The following LOXL4 variants were observed in gnomAD, a reference collection of about 807,000 sequenced individuals.
The protein encoded by LOXL4 is lysyl oxidase homolog 4.
A neutral mutation model predicts 89.1 loss-of-function variants in LOXL4; 72 were observed. That is an observed-to-expected ratio of 0.81 (90% CI 0.67 to 0.98). LOXL4 has a LOEUF of 0.98. LOXL4 is among the 50% of genes least tolerant of loss of function. The pLI is 0.00. For missense variants in LOXL4, 984 were observed against 1,017.5 expected (o/e 0.97, Z 0.45); for synonymous variants, 355 against 392.1 (o/e 0.91, Z 1.12).
At chr10:98,264,073 A>T (rs1858620410) in intron 1 of LOXL4, among the ~76,000 whole-genome samples, 1 of 151,876 alleles carries the variant, frequency 6.6e-6, no homozygotes, top group African/African-American at 2.4e-5. Flanking sequence ...ACCACATATC[A>T]TCTGGATCCC....
At chr10:98,255,907 T>C (rs568743859) in intron 9 of LOXL4, 168 bp from the exon 10 acceptor site, 92 of 700,302 alleles carry the variant, frequency 1.3e-4, no homozygotes, top group Non-Finnish European at 1.9e-4. Flanking sequence ...CCATGACACA[T>C]TTGGACCCTT....
chr10:98,258,515 A>G (rs1384698714), intron 6 of LOXL4, among the ~76,000 whole-genome samples: 1 of 151,260 alleles, frequency 6.6e-6, no homozygotes, highest in Non-Finnish European at 1.5e-5. Flanking sequence ...AGGTATCTGT[A>G]CCACCTCACG....
chr10:98,260,027 A>G (rs949277076), intron 4 of LOXL4, among the ~76,000 whole-genome samples: 1 of 152,128 alleles, frequency 6.6e-6, no homozygotes, highest in African/African-American at 2.4e-5. Flanking sequence ...GTGGCAGATG[A>G]CTCAGACGTA....
At chr10:98,263,732 CTT>C (rs372675359) in intron 1 of LOXL4, among the ~76,000 whole-genome samples, 12 of 138,836 alleles carry the variant, frequency 8.6e-5, no homozygotes, top group Admixed American at 1.4e-4. Context: ...TTCTTTCTTT[CTT>C]TTTTTTTTTT....
At position 98,259,189 on chromosome 10, in the gene LOXL4, G is replaced by A. The variant is rs774905122; in HGVS notation, c.741C>T (p.His247=). 15 of 1,612,008 alleles carry A rather than the reference G, an allele frequency of 9.3e-6. No individual in the cohort carries two copies. In the African/African-American group the frequency reaches 2.0e-4, roughly 22 times the overall value. Residue 247 remains histidine, a synonymous_variant, in exon 6 of 15, where the codon CAC becomes CAT. Coordinates refer to ENST00000260702, the MANE Select transcript of LOXL4 (RefSeq NM_032211.7). ...SLTNKNSFWI[H]QVTCLGTEPH... ...GCTCTGTCCCCAGGCAGGTGACCTGGTGGATCCAGAAGGAGTTCTTATTCG... is the reference window on the plus strand; with the variant it reads ...GCTCTGTCCCCAGGCAGGTGACCTGATGGATCCAGAAGGAGTTCTTATTCG...
rs777857957 is a variant in LOXL4 at position 98,253,646 on chromosome 10, AGGC to A, written c.1739_1741del (p.Arg580del). ...GTAGATCTGTGTGGAGAAGCGCAAT[AGGC>A]GGCGGTATCCGTAGGGCCAGTCCAT... On this transcript the variant is annotated inframe_deletion, in exon 11 of 15. Transcript: ENST00000260702. 5.0e-6 allele frequency: 8 copies of A among 1,614,200 alleles called. No individual in the cohort carries two copies. The South Asian group carries it at 5.5e-5, about 11-fold the overall frequency.
chr10:98,251,471 T>C (rs1457417989), intron 13 of LOXL4, 95 bp downstream of exon 13: 10 of 1,538,066 alleles, frequency 6.5e-6, no homozygotes, highest in African/African-American at 5.5e-5. Context: ...TCGGAAACCC[T>C]GTATGGGAAA....
At chr10:98,263,211 C>G (rs879596312) in intron 1 of LOXL4, among the ~76,000 whole-genome samples, 160 bp from the exon 2 acceptor site, 5 of 152,038 alleles carry the variant, frequency 3.3e-5, no homozygotes, top group Non-Finnish European at 5.9e-5. Context: ...TTAATTGAGT[C>G]TGGGCCAGGT....
At chr10:98,256,997 G>T (rs767564699) in intron 8 of LOXL4, 50 bp from the exon 9 acceptor site, 21 of 1,579,246 alleles carry the variant, frequency 1.3e-5, no homozygotes, top group Non-Finnish European at 1.8e-5. Flanking sequence ...GCAGGGAAGA[G>T]CTCAGGGCTG....
intron 1 of LOXL4, among the ~76,000 whole-genome samples, chr10:98,265,415 A>T (rs200104470): frequency 4.9e-5 from 3 of 60,634 alleles, no homozygotes; most frequent in Non-Finnish European, 1.2e-4. Flanking sequence ...TATTATTATT[A>T]TTTTTGAGAC....
intron 12 of LOXL4, 81 bp downstream of exon 12, chr10:98,252,272 C>G (rs192993007): frequency 4.6e-6 from 5 of 1,085,628 alleles, no homozygotes; most frequent in Middle Eastern, 2.0e-4. Context: ...CTGAACAGGG[C>G]AGAGAGAAAG....
At position 98,255,723 on chromosome 10, in the gene LOXL4, G is replaced by A. The variant is rs536508740; in HGVS notation, c.1445C>T (p.Ser482Leu). 19 of 1,611,028 alleles carry A rather than the reference G, an allele frequency of 1.2e-5. No homozygotes were observed. The highest frequency in any genetic ancestry group is 1.7e-5 in the Admixed American group (1 of 59,922). ...IHAYKETWFW[S>L]GTPRAQEVVM... is the part of the protein sequence containing the mutation. ...CACCTCCTGGGCCCTTGGCGTCCCCGACCAGAACCAGGTTTCCTAAGAAGA... is the reference window on the plus strand; with the variant it reads ...CACCTCCTGGGCCCTTGGCGTCCCCAACCAGAACCAGGTTTCCTAAGAAGA... The change falls in exon 10 of 15, where the codon TCG becomes TTG. Residue 482 changes from serine to leucine, a missense_variant. By Grantham distance (145) the Ser-to-Leu change is moderately radical. Coordinates refer to ENST00000260702, the MANE Select transcript of LOXL4 (RefSeq NM_032211.7).
rs748834362 is a variant in LOXL4, at chr10:98,257,761, A to G, written c.1149T>C (p.Tyr383=). 21 of 1,614,032 alleles carry G rather than the reference A, an allele frequency of 1.3e-5. No homozygotes were observed. Among genetic ancestry groups the G allele is most frequent in the Admixed American group, 1.7e-5 (1 of 60,004 alleles). Residue 383 remains tyrosine, a synonymous_variant, in exon 8 of 15, where the codon TAT becomes TAC. Transcript: ENST00000260702. ...CAGGGCAGTCGCTGAGGGTCCGCTC[A>G]TATCCCCTGCAGCGCACCTCACTCA... is the stretch of plus-strand genomic sequence containing the variant. ...IHLSEVRCRG[Y]ERTLSDCPAL... is the part of the protein sequence containing the mutation.
intron 1 of LOXL4, among the ~76,000 whole-genome samples, chr10:98,265,774 G>T (rs539007784): frequency 6.6e-6 from 1 of 152,256 alleles, no homozygotes; most frequent in South Asian, 2.1e-4. Context: ...CCTCCTCTCT[G>T]TACAAAGAAG....
At chr10:98,264,917 C>T (rs1197882128) in intron 1 of LOXL4, among the ~76,000 whole-genome samples, 1 of 152,220 alleles carries the variant, frequency 6.6e-6, no homozygotes, top group African/African-American at 2.4e-5. Flanking sequence ...GAGGCTCTCA[C>T]AGGCCCCTGC....
Position 98,248,767 on chromosome 10 carries a change from G to T in LOXL4, c.*154C>A. 1.5e-6 allele frequency: 1 copy of T among 662,188 alleles called. No individual in the cohort carries two copies. Among genetic ancestry groups the T allele is most frequent in the Non-Finnish European group, 2.7e-6 (1 of 374,768 alleles). 41.0% of individuals were successfully genotyped at this position (662,188 alleles called of 1,614,324 possible). A position where few individuals can be genotyped will look rare whatever the true frequency, so the allele number is the denominator to read the frequency against. ...CTGAGGGAGCAATACCATCTGGATT[G>T]GTGATCTTGCCATCAAAAGGCTTCC... On this transcript the variant is annotated 3_prime_UTR_variant, in exon 15 of 15. Coordinates refer to ENST00000260702, the MANE Select transcript of LOXL4 (RefSeq NM_032211.7).
rs1218288574 is a variant in LOXL4 at position 98,256,769 on chromosome 10, G to GAGT, written c.1428+10_1428+11insACT. ...GAGAGGTCATACGGAAGAAACAACA[G>GAGT]AGGGACCTACCTTGTAGGCATGGAT... On this transcript the variant is annotated intron_variant, in intron 9 of 14. Transcript: ENST00000260702. The GAGT allele has an allele frequency of 6.2e-7, 1 of 1,613,874 alleles. No homozygotes were observed. Among genetic ancestry groups the GAGT allele is most frequent in the East Asian group, 2.2e-5 (1 of 44,896 alleles).
intron 4 of LOXL4, 103 bp from the exon 5 acceptor site, chr10:98,259,532 A>G (rs1554861506): frequency 3.0e-6 from 3 of 1,014,834 alleles, no homozygotes; most frequent in South Asian, 2.7e-5. Flanking sequence ...AGGACTTTAC[A>G]TTTTGTAAAC....
chr10:98,264,968 C>T (rs1235491547), intron 1 of LOXL4, among the ~76,000 whole-genome samples: 12 of 152,264 alleles, frequency 7.9e-5, no homozygotes, highest in Non-Finnish European at 1.8e-4. Flanking sequence ...TACTCCCTCT[C>T]AACGGCCTTG....
Sources: allele counts gnomAD v4.1 joint callset (sites outside exome capture counted in the v4.1 genomes callset), GRCh38; gene constraint gnomAD v4.1.1; transcripts MANE v1.5; gene names NCBI Gene and HGNC (gene_info 2026-07-23, HGNC 2026-07-21).